Variants in YEATS2 observed in about 807,000 individuals in gnomAD.
YEATS2 encodes YEATS domain-containing protein 2.
A neutral mutation model predicts 163.2 loss-of-function variants in YEATS2; 77 were observed. The observed-to-expected ratio is 0.47, with a 90% confidence interval of 0.39 to 0.57. YEATS2 has a LOEUF of 0.57. YEATS2 is among the 20% of genes least tolerant of loss of function. The pLI, the probability that YEATS2 is intolerant of heterozygous loss-of-function variation, is 0.00. For synonymous variants in YEATS2, 631 were observed against 645.1 expected (o/e 0.98, Z 0.33); for missense variants, 1,549 against 1,729.8 (o/e 0.90, Z 1.85).
intron 26 of YEATS2, 59 bp downstream of exon 26, chr3:183,803,394 G>A: frequency 4.9e-6 from 7 of 1,440,224 alleles, no homozygotes; most frequent in Non-Finnish European, 6.7e-6. Flanking sequence ...TTATGGAACA[G>A]GGATAAGATT....
intron 19 of YEATS2, among the ~76,000 whole-genome samples, chr3:183,779,939 G>A (rs2108429788): frequency 6.6e-6 from 1 of 150,584 alleles, no homozygotes; most frequent in African/African-American, 2.4e-5. Context: ...CTCGTGATCT[G>A]CCCGCCTCGG....
chr3:183,803,880 A>G, intron 26 of YEATS2, 107 bp from the exon 27 acceptor site: 1 of 1,261,414 alleles, frequency 7.9e-7, no homozygotes, highest in Non-Finnish European at 1.1e-6. Flanking sequence ...TTAAAAAAAA[A>G]AATTCTAACA....
At chr3:183,803,926 A>G in intron 26 of YEATS2, 61 bp from the exon 27 acceptor site, 1 of 1,555,038 alleles carries the variant, frequency 6.4e-7, no homozygotes, top group Non-Finnish European at 8.8e-7. Context: ...GTTGCATGAT[A>G]CGTAGTTGTG....
chr3:183,759,496 C>T (rs910825458), intron 13 of YEATS2, among the ~76,000 whole-genome samples: 4 of 152,178 alleles, frequency 2.6e-5, no homozygotes, highest in Admixed American at 2.0e-4. Context: ...CTCTCTCTCG[C>T]AACAGAGAGC....
intron 1 of YEATS2, among the ~76,000 whole-genome samples, chr3:183,702,787 T>C (rs1341162498): frequency 2.6e-5 from 4 of 151,438 alleles, no homozygotes; most frequent in African/African-American, 9.7e-5. Context: ...TGAGCCAAGA[T>C]TGCGCCACTG....
intron 15 of YEATS2, among the ~76,000 whole-genome samples, chr3:183,762,683 G>A (rs1298606719): frequency 6.6e-6 from 1 of 151,910 alleles, no homozygotes; most frequent in African/African-American, 2.4e-5. Context: ...ATGATTCTTA[G>A]CTTTCTGTAG....
In YEATS2 at chr3:183,752,090, C is replaced by G; in HGVS notation, c.987C>G (p.Leu329=). The part of the protein sequence containing the change: ...LGAETVVDVE[L]HRHSLGEDCI... ...TTGTCTAGGTAGTGGATGTTGAACT[C>G]CATCGCCATTCTCTCGGAGAAGACT... The change falls in exon 10 of 31, where the codon CTC becomes CTG. Residue 329 remains leucine (L), a synonymous_variant. Transcript: ENST00000305135. The G allele has an allele frequency of 6.2e-7, 1 of 1,614,060 alleles. No individual in the cohort carries two copies. Among genetic ancestry groups the G allele is most frequent in the Non-Finnish European group, 8.5e-7 (1 of 1,180,002 alleles).
intron 1 of YEATS2, among the ~76,000 whole-genome samples, chr3:183,699,510 AC>A (rs1713841950): frequency 6.6e-6 from 1 of 151,566 alleles, no homozygotes; most frequent in Admixed American, 6.6e-5. Context: ...GATATTCTAG[AC>A]CAGCCTTGGC....
intron 4 of YEATS2, 42 bp downstream of exon 4, chr3:183,718,634 T>C (rs1375423574): frequency 1.4e-6 from 2 of 1,461,144 alleles, no homozygotes; most frequent in African/African-American, 2.8e-5. Flanking sequence ...GCCACTCATA[T>C]TTGTTGTCTG....
chr3:183,726,283 A>C (rs184986084), intron 6 of YEATS2, among the ~76,000 whole-genome samples: 2 of 152,300 alleles, frequency 1.3e-5, no homozygotes, highest in Non-Finnish European at 2.9e-5. Context: ...ACTACTCTGA[A>C]CCAGTTCTGT....
In YEATS2 at chr3:183,777,575, A is replaced by G; in HGVS notation, c.2611A>G (p.Thr871Ala). ...TTTAGTTGGCCAGCCATCACCCCAG[A>G]CTTCTGGAAAACAACTCACCACTGG... ...TFLVGQPSPQ[T>A]SGKQLTTGSV... The change falls in exon 19 of 31, where the codon ACT (threonine) becomes GCT (alanine). Residue 871 changes from threonine (T) to alanine (A), a missense_variant. Physicochemically the swap from Thr to Ala is moderately conservative, Grantham distance 58. Transcript: ENST00000305135. 1 of 1,614,084 alleles carries G rather than the reference A, an allele frequency of 6.2e-7. No individual in the cohort carries two copies. The highest frequency in any genetic ancestry group is 1.3e-5 in the African/African-American group (1 of 75,014).
At chr3:183,782,175 T>A (rs1156689087) in intron 19 of YEATS2, among the ~76,000 whole-genome samples, 20 of 152,076 alleles carry the variant, frequency 1.3e-4, no homozygotes, top group Admixed American at 1.3e-3. Context: ...AGTGGTGCGA[T>A]CTTGGCTCAC....
At position 183,722,010 on chromosome 3, in the gene YEATS2, T is replaced by C. The variant is rs961853349; in HGVS notation, c.411T>C (p.His137=). Residue 137 remains histidine, a synonymous_variant, in exon 5 of 31, where the codon CAT becomes CAC. Coordinates refer to ENST00000305135, the MANE Select transcript of YEATS2 (RefSeq NM_018023.5). ...GAGCAGAAACACCATCAGCCAATCA[T>C]TCAGAAAGTGATTCTTTATCTCAGC... ...NQRAETPSAN[H]SESDSLSQHN... The C allele has an allele frequency of 6.2e-7, 1 of 1,614,160 alleles. No individual in the cohort carries two copies. The highest frequency in any genetic ancestry group is 8.5e-7 in the Non-Finnish European group (1 of 1,180,038).
chr3:183,719,969 T>C (rs1054587095), intron 4 of YEATS2, among the ~76,000 whole-genome samples: 6 of 152,372 alleles, frequency 3.9e-5, no homozygotes, highest in African/African-American at 1.2e-4. Flanking sequence ...TTTGGATTTA[T>C]GTTTTCCTTG....
chr3:183,799,832 CT>C (rs533383296), intron 23 of YEATS2, among the ~76,000 whole-genome samples: 5,685 of 115,560 alleles, frequency 0.049, 125 homozygotes, highest in East Asian at 0.15. Flanking sequence ...TTTTTTTTTT[CT>C]TTTTTTTTTT....
rs187396015 is a variant in YEATS2, at chr3:183,785,675, A to T, written c.2737-450A>T. ...TGTCTCTAAAAAAATAAAATAAAATAAAAAATATGTAATTTGTAAATGGTT... is the reference window on the plus strand; with the variant it reads ...TGTCTCTAAAAAAATAAAATAAAATTAAAAATATGTAATTTGTAAATGGTT... On this transcript the variant is annotated intron_variant, in intron 19 of 30. Transcript: ENST00000305135. Among the ~76,000 whole-genome samples the T allele has an allele frequency of 4.0e-3, 615 of 152,182 alleles. 20 individuals are homozygous for T. The highest frequency in any genetic ancestry group is 0.038 in the Admixed American group (580 of 15,260).
At chr3:183,809,063 G>C in intron 29 of YEATS2, 34 bp from the exon 30 acceptor site, 1 of 1,610,734 alleles carries the variant, frequency 6.2e-7, no homozygotes, top group Non-Finnish European at 8.5e-7. Flanking sequence ...CAAGCAGATG[G>C]CCATTTGAAG....
At chr3:183,807,476 G>A (rs995368862) in intron 28 of YEATS2, 4 of 278,332 alleles carry the variant, frequency 1.4e-5, no homozygotes, top group South Asian at 3.9e-5. Flanking sequence ...GCACGTCAGC[G>A]CGTAATCCTC....
At chr3:183,749,223 G>A (rs1472479539) in intron 9 of YEATS2, among the ~76,000 whole-genome samples, 3 of 152,158 alleles carry the variant, frequency 2.0e-5, no homozygotes, top group Non-Finnish European at 2.9e-5. Flanking sequence ...GATTACAGGC[G>A]TGAGCCATGG....
Sources: gnomAD v4.1 joint callset for allele counts (sites outside exome capture counted in the v4.1 genomes callset) on GRCh38, gnomAD v4.1.1 for gene constraint, MANE v1.5 for transcripts, NCBI Gene and HGNC (gene_info 2026-07-23, HGNC 2026-07-21) for gene names.